The following LHFPL3 variants were observed in gnomAD, a reference collection of about 807,000 sequenced individuals.
LHFPL3 encodes LHFPL tetraspan subfamily member 3 protein.
Under a neutral mutation model 19.3 loss-of-function variants are expected in LHFPL3, and 5 were observed. That is an observed-to-expected ratio of 0.26 (90% CI 0.14 to 0.54). The LOEUF (loss-of-function observed/expected upper bound fraction) is 0.54. Ranked by LOEUF, LHFPL3 falls within the 20% of genes least tolerant of loss-of-function variation. The pLI is 0.94. For missense variants in LHFPL3, 249 were observed against 307.4 expected (o/e 0.81, Z 1.42); for synonymous variants, 133 against 126.2 (o/e 1.05, Z -0.36).
intron 1 of LHFPL3, among the ~76,000 whole-genome samples, chr7:104,383,905 A>G (rs958595112): frequency 6.6e-6 from 1 of 152,206 alleles, no homozygotes; most frequent in African/African-American, 2.4e-5. Flanking sequence ...TAAAGAATGT[A>G]ATCAGTTGTC....
chr7:104,732,036 G>T (rs1370213815), intron 1 of LHFPL3, among the ~76,000 whole-genome samples: 3 of 152,120 alleles, frequency 2.0e-5, no homozygotes, highest in Non-Finnish European at 4.4e-5. Flanking sequence ...TTATTGATTT[G>T]CATATATTGA....
chr7:104,503,470 A>C, intron 1 of LHFPL3, among the ~76,000 whole-genome samples: 1 of 152,208 alleles, frequency 6.6e-6, no homozygotes, highest in Non-Finnish European at 1.5e-5. Context: ...CAAAGAAAAC[A>C]TTTTTATTTG....
At chr7:104,605,352 A>G (rs983020290) in intron 1 of LHFPL3, among the ~76,000 whole-genome samples, 1 of 152,168 alleles carries the variant, frequency 6.6e-6, no homozygotes, top group African/African-American at 2.4e-5. Flanking sequence ...AAAACAAGTG[A>G]AAAAAATGGT....
At chr7:104,891,343 T>C (rs945847125) in intron 2 of LHFPL3, among the ~76,000 whole-genome samples, 19 of 151,998 alleles carry the variant, frequency 1.3e-4, no homozygotes, top group African/African-American at 3.6e-4. Flanking sequence ...CATCATAACA[T>C]GGCGGAAGGG....
chr7:104,559,982 T>G (rs1170247909), intron 1 of LHFPL3, among the ~76,000 whole-genome samples: 1 of 150,358 alleles, frequency 6.7e-6, no homozygotes, highest in Non-Finnish European at 1.5e-5. Flanking sequence ...TGGATTACAT[T>G]TATTGATTTG....
intron 2 of LHFPL3, among the ~76,000 whole-genome samples, chr7:104,888,647 G>GT: frequency 6.6e-6 from 1 of 152,338 alleles, no homozygotes; most frequent in East Asian, 1.9e-4. Flanking sequence ...CCTGGTTCTT[G>GT]TCCTTGAGGC....
chr7:104,434,044 A>G (rs1444582353), intron 1 of LHFPL3, among the ~76,000 whole-genome samples: 1 of 152,244 alleles, frequency 6.6e-6, no homozygotes, highest in African/African-American at 2.4e-5. Flanking sequence ...AATTGGGGTT[A>G]TTGTTTTCCA....
At chr7:104,565,216 A>G (rs1386458737) in intron 1 of LHFPL3, among the ~76,000 whole-genome samples, 1 of 152,256 alleles carries the variant, frequency 6.6e-6, no homozygotes, top group South Asian at 2.1e-4. Flanking sequence ...GAAAAATATT[A>G]AGTCCTGTGG....
chr7:104,666,644 C>T (rs1341484514), intron 1 of LHFPL3, among the ~76,000 whole-genome samples: 1 of 146,334 alleles, frequency 6.8e-6, no homozygotes, highest in African/African-American at 2.5e-5. Context: ...GCCTCAGCCT[C>T]CCAAGTAGCT....
At chr7:104,331,181 C>T (rs1801560924) in intron 1 of LHFPL3, among the ~76,000 whole-genome samples, 1 of 152,130 alleles carries the variant, frequency 6.6e-6, no homozygotes, top group South Asian at 2.1e-4. Context: ...TTTCGTTTTT[C>T]TCCTTTTCTC....
chr7:104,826,504 T>C, intron 2 of LHFPL3: 1 of 163,002 alleles, frequency 6.1e-6, no homozygotes. Context: ...GCACCATGGA[T>C]TCTGAAAGTA....
At chr7:104,895,070 C>T (rs911997723) in intron 2 of LHFPL3, 1 of 152,168 alleles carries the variant, frequency 6.6e-6, no homozygotes, top group Admixed American at 6.5e-5. Flanking sequence ...ATTAGAGAAA[C>T]ACTGTCCTTG....
At chr7:104,397,349 A>C (rs747471779) in intron 1 of LHFPL3, among the ~76,000 whole-genome samples, 13 of 152,156 alleles carry the variant, frequency 8.5e-5, no homozygotes, top group Non-Finnish European at 1.5e-4. Flanking sequence ...TATTCTTCCT[A>C]ACTTCCCCAT....
At chr7:104,668,144 T>A (rs1792396036) in intron 1 of LHFPL3, 2 of 1,613,968 alleles carry the variant, frequency 1.2e-6, no homozygotes, top group Non-Finnish European at 1.7e-6. Flanking sequence ...AACCCAGCAA[T>A]CCAGAGAGGC....
Position 104,556,599 on chromosome 7 carries a change from G to A in LHFPL3, c.446-180076G>A, listed in dbSNP as rs368946470. Among the ~76,000 whole-genome samples, 6 of 152,296 alleles carry A rather than the reference G, an allele frequency of 3.9e-5. No homozygotes were observed. The East Asian group carries it at 9.7e-4, about 25-fold the overall frequency. ...TTTTTCCTCCTAAACCTCCACTTCT[G>A]TGATGGGGAGGTGCTGCTGCAAAGG... On this transcript the variant is annotated intron_variant, in intron 1 of 2. Transcript: ENST00000424859.
intron 1 of LHFPL3, among the ~76,000 whole-genome samples, chr7:104,613,502 C>A (rs1260392056): frequency 6.6e-6 from 1 of 152,118 alleles, no homozygotes; most frequent in Non-Finnish European, 1.5e-5. Flanking sequence ...CTCCTCAGAG[C>A]CACTAAGAAG....
intron 1 of LHFPL3, among the ~76,000 whole-genome samples, chr7:104,413,599 C>T (rs750204915): frequency 4.6e-5 from 7 of 152,242 alleles, no homozygotes; most frequent in Middle Eastern, 3.4e-3. Context: ...GGAACCAGGT[C>T]GTCTGGCTCC....
chr7:104,586,613 A>G (rs1444653888), intron 1 of LHFPL3, among the ~76,000 whole-genome samples: 3 of 152,292 alleles, frequency 2.0e-5, no homozygotes, highest in African/African-American at 4.8e-5. Flanking sequence ...TTTTTAAAAA[A>G]TAAATTGACT....
intron 1 of LHFPL3, among the ~76,000 whole-genome samples, chr7:104,582,848 G>C (rs1790487137): frequency 6.6e-6 from 1 of 151,122 alleles, no homozygotes; most frequent in South Asian, 2.1e-4. Context: ...CTAATGTTTT[G>C]CTAAGGATTT....
Sources: gnomAD v4.1 joint callset for allele counts (sites outside exome capture counted in the v4.1 genomes callset) on GRCh38, gnomAD v4.1.1 for gene constraint, MANE v1.5 for transcripts, NCBI Gene and HGNC (gene_info 2026-07-23, HGNC 2026-07-21) for gene names.